Variants in DPP10 observed in about 807,000 individuals in gnomAD.
The protein encoded by DPP10 is dipeptidyl peptidase like 10, also known as inactive dipeptidyl peptidase 10.
Under a neutral mutation model 120.9 loss-of-function variants are expected in DPP10, and 33 were observed. That is an observed-to-expected ratio of 0.27 (90% CI 0.21 to 0.37). The LOEUF (loss-of-function observed/expected upper bound fraction) is 0.37. Among genes scored for constraint, DPP10 ranks in the 10% least tolerant of loss-of-function variants. The pLI is 1.00. For missense variants in DPP10, 816 were observed against 942.8 expected, an observed-to-expected ratio of 0.87 and a Z score of 1.76; for synonymous variants, 337 against 326.1, an observed-to-expected ratio of 1.03 and a Z score of -0.36.
chr2:115,596,409 TAAGAC>T (rs1472862485), intron 5 of DPP10, among the ~76,000 whole-genome samples: 2 of 152,174 alleles, frequency 1.3e-5, no homozygotes, highest in African/African-American at 2.4e-5. Context: ...TTTTTTTCCT[TAAGAC>T]AAGTAATTAG....
At chr2:115,549,963 G>C (rs2079773514) in intron 5 of DPP10, among the ~76,000 whole-genome samples, 1 of 151,988 alleles carries the variant, frequency 6.6e-6, no homozygotes, top group African/African-American at 2.4e-5. Context: ...ACACATTCCT[G>C]AGCCAAGTCA....
chr2:115,534,857 G>C (rs199543967), intron 5 of DPP10, among the ~76,000 whole-genome samples: 27,430 of 151,852 alleles, frequency 0.18, 3,187 homozygotes, highest in East Asian at 0.38. Context: ...TTTCTCTGAT[G>C]GCCAGTGATG....
At chr2:115,319,159 C>T (rs775740286) in intron 2 of DPP10, among the ~76,000 whole-genome samples, 3 of 151,910 alleles carry the variant, frequency 2.0e-5, no homozygotes, top group Non-Finnish European at 1.5e-5. Context: ...TTGAGATGAT[C>T]ATTTGTTTTC....
chr2:114,537,415 A>G (rs1287050339), intron 1 of DPP10, among the ~76,000 whole-genome samples: 1 of 152,184 alleles, frequency 6.6e-6, no homozygotes, highest in Non-Finnish European at 1.5e-5. Flanking sequence ...TGTAAGGAAA[A>G]TCATCTCTGT....
chr2:115,500,224 G>T (rs2076613362), intron 4 of DPP10, among the ~76,000 whole-genome samples: 1 of 151,802 alleles, frequency 6.6e-6, no homozygotes, highest in Non-Finnish European at 1.5e-5. Flanking sequence ...TACCTATTTG[G>T]TAAGCAATAA....
chr2:115,670,727 A>ATATTTTAATGTATTT (rs1310260369), intron 5 of DPP10, among the ~76,000 whole-genome samples: 5 of 152,262 alleles, frequency 3.3e-5, no homozygotes, highest in South Asian at 2.1e-4. Flanking sequence ...CATTTAAAAT[A>ATATTTTAATGTATTT]TATTCTATCA....
chr2:115,233,184 G>A (rs2057825197), intron 1 of DPP10, among the ~76,000 whole-genome samples: 1 of 149,608 alleles, frequency 6.7e-6, no homozygotes, highest in Non-Finnish European at 1.5e-5. Context: ...CTAAATTAGA[G>A]AAGTTTTGCA....
chr2:115,046,758 T>A (rs1173415740), intron 1 of DPP10, among the ~76,000 whole-genome samples: 1 of 152,078 alleles, frequency 6.6e-6, no homozygotes, highest in Non-Finnish European at 1.5e-5. Context: ...AGAGGCATTA[T>A]ATTTGTTAAA....
chr2:115,346,597 T>A (rs2063724010), intron 3 of DPP10, among the ~76,000 whole-genome samples: 1 of 152,164 alleles, frequency 6.6e-6, no homozygotes, highest in South Asian at 2.1e-4. Flanking sequence ...AAATCTACAT[T>A]TTTATAGCAT....
chr2:115,391,043 A>G (rs896823731), intron 3 of DPP10, among the ~76,000 whole-genome samples: 1 of 152,128 alleles, frequency 6.6e-6, no homozygotes, highest in Non-Finnish European at 1.5e-5. Flanking sequence ...AAAGCAGGAG[A>G]AGGAATATGG....
intron 1 of DPP10, among the ~76,000 whole-genome samples, chr2:114,973,361 TAAAA>T (rs967139556): frequency 2.6e-5 from 4 of 151,066 alleles, no homozygotes; most frequent in Non-Finnish European, 4.4e-5. Context: ...TCCTACTTAT[TAAAA>T]AAAAGTTAAC....
chr2:115,550,917 C>T (rs895397643), intron 5 of DPP10, among the ~76,000 whole-genome samples: 2 of 152,110 alleles, frequency 1.3e-5, no homozygotes, highest in Non-Finnish European at 2.9e-5. Flanking sequence ...TAGGTTTACC[C>T]TCACAATGTT....
At chr2:114,968,830 G>A (rs2104773006) in intron 1 of DPP10, among the ~76,000 whole-genome samples, 1 of 152,300 alleles carries the variant, frequency 6.6e-6, no homozygotes, top group South Asian at 2.1e-4. Context: ...TTTCCCCAGA[G>A]TACCCTTGCA....
intron 1 of DPP10, among the ~76,000 whole-genome samples, chr2:115,076,719 A>G (rs1276395734): frequency 6.6e-6 from 1 of 152,180 alleles, no homozygotes; most frequent in East Asian, 1.9e-4. Context: ...CCATTTACAA[A>G]TGTAGCATAA....
intron 1 of DPP10, among the ~76,000 whole-genome samples, chr2:114,850,499 A>G (rs1688870376): frequency 6.6e-6 from 1 of 152,220 alleles, no homozygotes; most frequent in South Asian, 2.1e-4. Flanking sequence ...AATCATTTGT[A>G]AAATCATTAT....
At chr2:114,959,782 G>A (rs548731175) in intron 1 of DPP10, among the ~76,000 whole-genome samples, 1 of 152,296 alleles carries the variant, frequency 6.6e-6, no homozygotes, top group South Asian at 2.1e-4. Flanking sequence ...GCAGTTGAAT[G>A]CTATTATGGT....
intron 7 of DPP10, among the ~76,000 whole-genome samples, chr2:115,716,171 A>T (rs1042812851): frequency 6.6e-6 from 1 of 152,258 alleles, no homozygotes; most frequent in African/African-American, 2.4e-5. Context: ...AATATCAATG[A>T]AAACACTAGC....
At chr2:115,813,696 G>A (rs1256533480) in intron 19 of DPP10, among the ~76,000 whole-genome samples, 1 of 152,154 alleles carries the variant, frequency 6.6e-6, no homozygotes, top group Non-Finnish European at 1.5e-5. Context: ...CCCTGTATCT[G>A]CTCAGTTTCA....
intron 1 of DPP10, among the ~76,000 whole-genome samples, chr2:114,909,483 T>A (rs1168040791): frequency 6.6e-6 from 1 of 152,012 alleles, no homozygotes; most frequent in Non-Finnish European, 1.5e-5. Context: ...CCAAGTAGGA[T>A]AAGACTCCAC....
Sources: allele counts gnomAD v4.1 joint callset (sites outside exome capture counted in the v4.1 genomes callset), GRCh38; gene constraint gnomAD v4.1.1; transcripts MANE v1.5; gene names NCBI Gene and HGNC (gene_info 2026-07-23, HGNC 2026-07-21).